Variants in EPS15L1 observed in about 807,000 individuals in gnomAD.
EPS15L1 encodes the protein epidermal growth factor receptor pathway substrate 15 like 1, also known as epidermal growth factor receptor substrate 15-like 1.
Under a neutral mutation model 117.1 loss-of-function variants are expected in EPS15L1, and 43 were observed. The ratio of observed to expected loss-of-function variants is 0.37; its 90% CI spans 0.29 to 0.47. The LOEUF (loss-of-function observed/expected upper bound fraction) is 0.47. Among genes scored for constraint, EPS15L1 ranks in the 20% least tolerant of loss-of-function variants. The pLI is 0.99. For synonymous variants in EPS15L1, 459 were observed against 470.5 expected (o/e 0.98, Z 0.32); for missense variants, 981 against 1,164.0 (o/e 0.84, Z 2.29).
At chr19:16,402,247 T>C in intron 16 of EPS15L1, 74 bp downstream of exon 16, 1 of 1,516,896 alleles carries the variant, frequency 6.6e-7, no homozygotes, top group East Asian at 2.3e-5. Context: ...TGAACAGATC[T>C]GGCGGGTGGG....
chr19:16,443,047 G>A (rs1047080788), intron 1 of EPS15L1, among the ~76,000 whole-genome samples: 4 of 152,196 alleles, frequency 2.6e-5, no homozygotes, highest in African/African-American at 9.6e-5. Context: ...GAATTATGCA[G>A]TCCCTGAAAT....
chr19:16,438,326 C>T (rs1377878423), intron 4 of EPS15L1, among the ~76,000 whole-genome samples: 1 of 151,944 alleles, frequency 6.6e-6, no homozygotes, highest in Non-Finnish European at 1.5e-5. Flanking sequence ...TCACTCCAGG[C>T]TGGGCAAAAA....
In EPS15L1 at chr19:16,372,699, T is replaced by TG. The variant is rs558747827; in HGVS notation, c.2380+4422dup. Among the ~76,000 whole-genome samples, 7 of 152,248 alleles carry TG rather than the reference T, an allele frequency of 4.6e-5. No individual in the cohort carries two copies. In the South Asian group the frequency reaches 1.0e-3, roughly 23 times the overall value. On this transcript the variant is annotated intron_variant, in intron 22 of 23. Transcript: ENST00000455140. ...CGGTCCCTGTGCCGCAGGGTGGGGA[T>TG]GGGGGCTACAGACCACATACAGCAC... is the stretch of plus-strand genomic sequence containing the variant.
intron 13 of EPS15L1, among the ~76,000 whole-genome samples, chr19:16,409,631 A>G (rs1466073096): frequency 6.6e-6 from 1 of 152,194 alleles, no homozygotes; most frequent in African/African-American, 2.4e-5. Flanking sequence ...TAGAAATGAT[A>G]AAGAATTCTT....
chr19:16,448,618 C>A (rs774485440), intron 1 of EPS15L1, among the ~76,000 whole-genome samples: 10 of 149,886 alleles, frequency 6.7e-5, no homozygotes, highest in Non-Finnish European at 1.5e-4. Flanking sequence ...CCAAGGTAGG[C>A]GGATCACCTG....
chr19:16,365,237 C>A lies in EPS15L1; in HGVS notation c.2381-3253G>T, dbSNP rs541707476. On this transcript the variant is annotated intron_variant, in intron 22 of 23. Coordinates refer to ENST00000455140, the MANE Select transcript of EPS15L1 (RefSeq NM_001258374.3). The surrounding 1 kb of genome is among the most constrained non-coding windows in gnomAD (Gnocchi z 4.9). ...CACCCCCCTCAGCCTGTTTCTTAAT[C>A]CAAACAAAGGGCTGTGTCCCCCCAA... 1.3e-5 allele frequency among the ~76,000 whole-genome samples: 2 copies of A among 152,328 alleles called. No homozygotes were observed. Among genetic ancestry groups the A allele is most frequent in the South Asian group, 4.1e-4 (2 of 4,832 alleles).
intron 22 of EPS15L1, among the ~76,000 whole-genome samples, chr19:16,374,228 G>A (rs1315152949): frequency 6.6e-6 from 1 of 152,176 alleles, no homozygotes; most frequent in African/African-American, 2.4e-5. Flanking sequence ...GGCCTGGCCT[G>A]TCTCCCTCAC....
intron 9 of EPS15L1, among the ~76,000 whole-genome samples, chr19:16,424,161 G>C (rs1395688460): frequency 6.6e-6 from 1 of 152,228 alleles, no homozygotes; most frequent in Non-Finnish European, 1.5e-5. Flanking sequence ...CCTGGCATGA[G>C]GGCAAAATCG....
At chr19:16,456,198 CT>C (rs2093194356) in intron 1 of EPS15L1, among the ~76,000 whole-genome samples, 1 of 150,900 alleles carries the variant, frequency 6.6e-6, no homozygotes, top group Non-Finnish European at 1.5e-5. Context: ...AAAACCCTGT[CT>C]CAAACAAACA....
chr19:16,404,369 G>A lies in EPS15L1; in HGVS notation c.1428+219C>T, dbSNP rs1239554989. Reference sequence around the variant, plus strand: ...AGGGCACAAGTTCGCAGGGACCAAGGCCATTCACTTATACAACCTGACTTC... The same window carrying A: ...AGGGCACAAGTTCGCAGGGACCAAGACCATTCACTTATACAACCTGACTTC... On this transcript the variant is annotated intron_variant, in intron 14 of 23. Transcript: ENST00000455140. This position sits in a 1 kb window ranked among gnomAD's most constrained non-coding sequence, Gnocchi z 4.2. 1.3e-5 allele frequency among the ~76,000 whole-genome samples: 2 copies of A among 152,188 alleles called. No homozygotes were observed. Among genetic ancestry groups the A allele is most frequent in the Admixed American group, 1.3e-4 (2 of 15,282 alleles).
chr19:16,418,837 GGCAGT>G (rs1478927519), intron 10 of EPS15L1, among the ~76,000 whole-genome samples: 7 of 152,150 alleles, frequency 4.6e-5, no homozygotes, highest in Non-Finnish European at 7.3e-5. Context: ...CTACAAACTA[GGCAGT>G]GAGCCCTCAC....
intron 23 of EPS15L1, among the ~76,000 whole-genome samples, chr19:16,360,870 C>A (rs973652559): frequency 6.6e-6 from 1 of 152,126 alleles, no homozygotes; most frequent in East Asian, 1.9e-4. Flanking sequence ...GTTCAAAGAG[C>A]CATCCCAGGA....
rs192640028 is a variant in EPS15L1 at position 16,459,280 on chromosome 19, C to T, written c.33+12633G>A. ...TAGGTTCCCCCAAATGAAATAAGTC[C>T]CTCCTGCCTCCACACTCCCATAGCC... is the stretch of plus-strand genomic sequence containing the variant. On this transcript the variant is annotated intron_variant, in intron 1 of 23. Transcript: ENST00000455140. 1.0e-3 allele frequency among the ~76,000 whole-genome samples: 155 copies of T among 152,284 alleles called. 2 individuals are homozygous for T. The highest frequency in any genetic ancestry group is 5.8e-3 in the South Asian group (28 of 4,828).
chr19:16,434,243 C>T, intron 7 of EPS15L1, 122 bp downstream of exon 7: 2 of 1,346,832 alleles, frequency 1.5e-6, no homozygotes, highest in Non-Finnish European at 2.0e-6. Flanking sequence ...GATGAAAGCC[C>T]CTGATGGCAC....
chr19:16,425,197 C>A lies in EPS15L1; in HGVS notation c.678G>T (p.Leu226=), dbSNP rs2092857858. ...KTVFPGAVPV[L]PASPPPKDSL... ...TGTCTTTTGGTGGGGGGCTGGCAGG[C>A]AGGACGGGGACGGCGCCAGGGAACA... Residue 226 remains leucine, a synonymous_variant, in exon 9 of 24, where the codon CTG becomes CTT. Transcript: ENST00000455140. 6.2e-7 allele frequency: 1 copy of A among 1,610,940 alleles called. No individual in the cohort carries two copies. Among genetic ancestry groups the A allele is most frequent in the Non-Finnish European group, 8.5e-7 (1 of 1,178,748 alleles).
chr19:16,402,251 G>A lies in EPS15L1; in HGVS notation c.1791+70C>T, dbSNP rs189974243. ...AACGTTGGCCATGAACAGATCTGGC[G>A]GGTGGGATGTTCTGCTGTCACACCA... On this transcript the variant is annotated intron_variant, in intron 16 of 23. Coordinates refer to ENST00000455140, the MANE Select transcript of EPS15L1 (RefSeq NM_001258374.3). 2.5e-4 allele frequency: 374 copies of A among 1,520,122 alleles called. No homozygotes were observed. In the African/African-American group the frequency reaches 3.4e-3, roughly 14 times the overall value. 94.2% of individuals were successfully genotyped at this position (1,520,122 alleles called of 1,614,324 possible). A position where few individuals can be genotyped will look rare whatever the true frequency, so the allele number is the denominator to read the frequency against.
rs555422595 is a variant in EPS15L1, at chr19:16,403,905, T to A, written c.1454A>T (p.Gln485Leu). ...QMISSLKTQIQSQESDLKSQE... is the reference protein window; with the variant it reads ...QMISSLKTQILSQESDLKSQE... Reference sequence around the variant, plus strand: ...GGACTTTAAGTCAGATTCCTGAGATTGGATTTGCGTTTTCAGTGATGAGAT... The same window carrying A: ...GGACTTTAAGTCAGATTCCTGAGATAGGATTTGCGTTTTCAGTGATGAGAT... The change falls in exon 15 of 24, where the codon CAA becomes CTA. Residue 485 changes from glutamine to leucine, a missense_variant. Gln to Leu is a moderately radical substitution (Grantham distance 113). Coordinates refer to ENST00000455140, the MANE Select transcript of EPS15L1 (RefSeq NM_001258374.3). 5.0e-6 allele frequency: 8 copies of A among 1,613,942 alleles called. No homozygotes were observed. The highest frequency in any genetic ancestry group is 6.8e-6 in the Non-Finnish European group (8 of 1,179,988).
chr19:16,450,375 A>C (rs1210692079), intron 1 of EPS15L1, among the ~76,000 whole-genome samples: 1 of 151,142 alleles, frequency 6.6e-6, no homozygotes, highest in African/African-American at 2.5e-5. Flanking sequence ...GTTCCTCTCC[A>C]GGGCAGGGAA....
At chr19:16,423,665 G>A (rs1444033616) in intron 9 of EPS15L1, among the ~76,000 whole-genome samples, 1 of 152,190 alleles carries the variant, frequency 6.6e-6, no homozygotes, top group Admixed American at 6.5e-5. Context: ...GCATTGTACT[G>A]TGTAAATTTT....
Sources: allele counts gnomAD v4.1 joint callset (sites outside exome capture counted in the v4.1 genomes callset), GRCh38; gene constraint gnomAD v4.1.1; non-coding constraint Gnocchi (gnomAD v3.1); transcripts MANE v1.5; gene names NCBI Gene and HGNC (gene_info 2026-07-23, HGNC 2026-07-21).